The following ATP6V1B2 variants were observed in gnomAD, a reference collection of about 807,000 sequenced individuals.
ATP6V1B2 encodes the protein V-type proton ATPase subunit B, brain isoform.
Under a neutral mutation model 66.7 loss-of-function variants are expected in ATP6V1B2, and 23 were observed. That is an observed-to-expected ratio of 0.34 (90% confidence interval 0.25 to 0.49). The LOEUF (loss-of-function observed/expected upper bound fraction) is 0.49, where lower values mean the gene tolerates loss of function less well. Ranked by LOEUF, ATP6V1B2 falls within the 20% of genes least tolerant of loss-of-function variation. The pLI, the probability that ATP6V1B2 is intolerant of heterozygous loss-of-function variation, is 0.99. For synonymous variants in ATP6V1B2, 278 were observed against 236.7 expected (o/e 1.17, Z -1.60); for missense variants, 478 against 650.8 (o/e 0.73, Z 2.89).
chr8:20,210,268 G>A, intron 3 of ATP6V1B2, 78 bp from the exon 4 acceptor site: 4 of 1,231,460 alleles, frequency 3.2e-6, no homozygotes, highest in South Asian at 1.3e-5. Flanking sequence ...TATAAGGGCT[G>A]TTTAACAGAC....
chr8:20,213,412 G>A (rs1004303535), intron 9 of ATP6V1B2: 1 of 163,932 alleles, frequency 6.1e-6, no homozygotes, highest in African/African-American at 2.4e-5. Flanking sequence ...ACTTTGGGAA[G>A]CCAAGGCAGG....
At chr8:20,199,998 GT>G (rs2072668882) in intron 1 of ATP6V1B2, among the ~76,000 whole-genome samples, 1 of 66,934 alleles carries the variant, frequency 1.5e-5, no homozygotes, top group Admixed American at 1.6e-4. Flanking sequence ...TAGTTATTGT[GT>G]GTGTGTGTGT....
chr8:20,208,629 A>G (rs577850601), intron 2 of ATP6V1B2, among the ~76,000 whole-genome samples: 71 of 152,110 alleles, frequency 4.7e-4, no homozygotes, highest in Non-Finnish European at 9.0e-4. Flanking sequence ...AGAGGAATAT[A>G]TATCTTGTTA....
chr8:20,216,533 T>G, intron 11 of ATP6V1B2, 38 bp downstream of exon 11: 2 of 1,554,664 alleles, frequency 1.3e-6, no homozygotes, highest in Non-Finnish European at 1.8e-6. Context: ...CTTGCAGACC[T>G]GCTCATCCGT....
At chr8:20,204,565 A>AT in intron 2 of ATP6V1B2, 26 bp downstream of exon 2, 1 of 1,582,174 alleles carries the variant, frequency 6.3e-7, no homozygotes, top group South Asian at 1.1e-5. Flanking sequence ...GTTTTGGTCT[A>AT]TTTATGTAGT....
At chr8:20,199,003 A>G (rs2072656485) in intron 1 of ATP6V1B2, among the ~76,000 whole-genome samples, 1 of 152,226 alleles carries the variant, frequency 6.6e-6, no homozygotes, top group African/African-American at 2.4e-5. Context: ...GGTAGAACAG[A>G]TAGACATTAG....
At position 20,211,946 on chromosome 8, in the gene ATP6V1B2, C is replaced by T. The variant is rs1016721214; in HGVS notation, c.706-156C>T. On this transcript the variant is annotated intron_variant, in intron 7 of 13. Transcript: ENST00000276390. ...TTTAAGAATAATATTGTTTGTGCCCCAAACCGGCTCTTTGTTCTGTTGGTT... is the reference window on the plus strand; with the variant it reads ...TTTAAGAATAATATTGTTTGTGCCCTAAACCGGCTCTTTGTTCTGTTGGTT... Among the ~76,000 whole-genome samples the T allele has an allele frequency of 3.9e-5, 6 of 152,264 alleles. No homozygotes were observed. In the South Asian group the frequency reaches 1.2e-3, roughly 32 times the overall value.
At chr8:20,211,485 C>G (rs2072792751) in intron 6 of ATP6V1B2, 167 bp from the exon 7 acceptor site, 4 of 1,265,396 alleles carry the variant, frequency 3.2e-6, no homozygotes, top group East Asian at 2.5e-5. Context: ...TTCTTGCTTA[C>G]CCTTGCATAT....
intron 1 of ATP6V1B2, among the ~76,000 whole-genome samples, chr8:20,198,098 A>G (rs950011400): frequency 3.9e-5 from 6 of 152,208 alleles, no homozygotes; most frequent in Non-Finnish European, 7.3e-5. Context: ...CCGCAGAAGG[A>G]CACCTAGATA....
chr8:20,216,519 G>A, intron 11 of ATP6V1B2, 24 bp downstream of exon 11: 1 of 1,593,354 alleles, frequency 6.3e-7, no homozygotes, highest in Non-Finnish European at 8.6e-7. Context: ...GCAGTGCTGG[G>A]AAGCTTGCAG....
In ATP6V1B2 at chr8:20,210,560, G is replaced by T; in HGVS notation, c.386-9G>T. 1 of 1,613,608 alleles carries T rather than the reference G, an allele frequency of 6.2e-7. No homozygotes were observed. Among genetic ancestry groups the T allele is most frequent in the South Asian group, 1.1e-5 (1 of 91,076 alleles). On this transcript the variant is annotated splice_polypyrimidine_tract_variant and intron_variant, in intron 4 of 13. Transcript: ENST00000276390. The stretch of plus-strand genomic sequence containing the variant: ...ATCTACTCTGTCCTGTCTTCTTACT[G>T]ATTTCTAGGTCGGGTATTCAATGGA...
At position 20,197,539 on chromosome 8, in the gene ATP6V1B2, C is replaced by A; in HGVS notation, c.133C>A (p.Leu45Ile). The A allele has an allele frequency of 7.1e-7, 1 of 1,412,934 alleles. No homozygotes were observed. The highest frequency in any genetic ancestry group is 9.3e-7 in the Non-Finnish European group (1 of 1,075,022). The allele number at this position is 1,412,934 out of a possible 1,614,324, so 87.5% of individuals were successfully genotyped here. The change falls in exon 1 of 14, where the codon CTC becomes ATC. Residue 45 changes from leucine (L) to isoleucine (I), a missense_variant. Physicochemically the swap from Leu to Ile is conservative, Grantham distance 5. Transcript: ENST00000276390. ...VSRNYLSQPRLTYKTVSGVNG... is the reference protein window; with the variant it reads ...VSRNYLSQPRITYKTVSGVNG... ...TCGGAACTACCTCTCCCAGCCTCGC[C>A]TCAGTGAGTATCAGAGAGTAATACG...
chr8:20,208,571 A>G (rs1255286545), intron 2 of ATP6V1B2, among the ~76,000 whole-genome samples: 1 of 152,204 alleles, frequency 6.6e-6, no homozygotes, highest in East Asian at 1.9e-4. Context: ...GTAAATCACC[A>G]AACTTCATTT....
At chr8:20,217,424 C>G (rs2072867310) in intron 12 of ATP6V1B2, 100 bp downstream of exon 12, 1 of 1,073,178 alleles carries the variant, frequency 9.3e-7, no homozygotes, top group Non-Finnish European at 1.4e-6. Context: ...TCTTCCCCAT[C>G]CACATGGAAT....
At chr8:20,199,064 A>G (rs778680049) in intron 1 of ATP6V1B2, among the ~76,000 whole-genome samples, 5 of 152,218 alleles carry the variant, frequency 3.3e-5, no homozygotes, top group Non-Finnish European at 5.9e-5. Context: ...TTTCCATATA[A>G]TTAATCATTC....
chr8:20,216,676 A>G, intron 11 of ATP6V1B2, 181 bp downstream of exon 11: 1 of 522,410 alleles, frequency 1.9e-6, no homozygotes, highest in Non-Finnish European at 3.3e-6. Flanking sequence ...GAGCGCCAGA[A>G]TTAAGAATCT....
chr8:20,203,157 A>G (rs1420014897), intron 1 of ATP6V1B2, among the ~76,000 whole-genome samples: 3 of 152,192 alleles, frequency 2.0e-5, no homozygotes, highest in Non-Finnish European at 4.4e-5. Flanking sequence ...ATGACCATCC[A>G]TCCAAGTAGC....
intron 10 of ATP6V1B2, 185 bp from the exon 11 acceptor site, chr8:20,216,228 C>T (rs887571273): frequency 1.9e-5 from 8 of 428,202 alleles, no homozygotes; most frequent in Middle Eastern, 6.0e-4. Flanking sequence ...TAATGGCTAC[C>T]GTACTGCACA....
At chr8:20,211,377 CTG>C in intron 6 of ATP6V1B2, 61 bp downstream of exon 6, 1 of 1,574,140 alleles carries the variant, frequency 6.4e-7, no homozygotes. Flanking sequence ...TAATGCATCA[CTG>C]TTACTGAGAA....
Sources: gnomAD v4.1 joint callset for allele counts (sites outside exome capture counted in the v4.1 genomes callset) on GRCh38, gnomAD v4.1.1 for gene constraint, MANE v1.5 for transcripts, NCBI Gene and HGNC (gene_info 2026-07-23, HGNC 2026-07-21) for gene names.